Variants in CREB1 observed in about 807,000 individuals in gnomAD.
CREB1 encodes the protein cyclic AMP-responsive element-binding protein 1.
In CREB1, 2 loss-of-function variants were observed where a neutral mutation model predicts 42.0. The observed-to-expected ratio is 0.05, with a 90% CI of 0.02 to 0.15. CREB1 has a LOEUF of 0.15. CREB1 is among the 10% of genes least tolerant of loss of function. The pLI is 1.00. For synonymous variants in CREB1, 123 were observed against 139.9 expected, an observed-to-expected ratio of 0.88 and a Z score of 0.85; for missense variants, 199 against 388.9, an observed-to-expected ratio of 0.51 and a Z score of 4.11.
At chr2:207,544,186 C>A (rs945148704) in intron 1 of CREB1, among the ~76,000 whole-genome samples, 1 of 152,186 alleles carries the variant, frequency 6.6e-6, no homozygotes, top group African/African-American at 2.4e-5. Context: ...GGATTACAGG[C>A]GTGAGCCACT....
At chr2:207,596,587 C>T (rs1379698660) in intron 7 of CREB1, among the ~76,000 whole-genome samples, 1 of 152,216 alleles carries the variant, frequency 6.6e-6, no homozygotes, top group African/African-American at 2.4e-5. Flanking sequence ...GCATGTGCCG[C>T]CACACCCCGC....
Position 207,560,312 on chromosome 2 carries a change from T to C in CREB1, c.201T>C (p.His67=), listed in dbSNP as rs760171826. The C allele has an allele frequency of 2.2e-5, 35 of 1,613,926 alleles. No homozygotes were observed. The highest frequency in any genetic ancestry group is 6.7e-5 in the African/African-American group (5 of 74,898). ...QLPNGQTVQV[H]GVIQAAQPSV... is the part of the protein sequence containing the mutation. ...CCAATGGGCAGACAGTTCAAGTCCA[T>C]GGAGTCATTCAGGCGGCCCAGCCAT... Residue 67 remains histidine (H), a synonymous_variant, in exon 3 of 8, where the codon CAT becomes CAC. Coordinates refer to ENST00000353267, the MANE Select transcript of CREB1 (RefSeq NM_004379.5).
intron 1 of CREB1, among the ~76,000 whole-genome samples, chr2:207,541,176 G>A (rs1247888774): frequency 1.3e-5 from 2 of 151,906 alleles, no homozygotes; most frequent in East Asian, 1.9e-4. Context: ...CCGAGATCGT[G>A]CCACTGCACT....
intron 1 of CREB1, among the ~76,000 whole-genome samples, chr2:207,547,793 C>A (rs1165852577): frequency 6.6e-6 from 1 of 151,948 alleles, no homozygotes; most frequent in Non-Finnish European, 1.5e-5. Flanking sequence ...GTAAACTTTG[C>A]AAATACTTAA....
chr2:207,571,399 C>G (rs1345991157), intron 5 of CREB1, among the ~76,000 whole-genome samples: 2 of 152,090 alleles, frequency 1.3e-5, no homozygotes, highest in Non-Finnish European at 2.9e-5. Context: ...AGTTCCAGTT[C>G]AACTTTGTTT....
At chr2:207,578,203 C>T (rs541192835) in intron 7 of CREB1, 7 of 152,218 alleles carry the variant, frequency 4.6e-5, no homozygotes, top group African/African-American at 1.7e-4. Flanking sequence ...ATATAGTCTT[C>T]AAAAAAATAC....
intron 3 of CREB1, chr2:207,561,192 T>A (rs752029815): frequency 8.4e-6 from 13 of 1,556,650 alleles, no homozygotes; most frequent in Middle Eastern, 1.7e-4. Context: ...TGGAGAGAAC[T>A]ATTATTAGAA....
At chr2:207,543,954 G>C (rs892219082) in intron 1 of CREB1, among the ~76,000 whole-genome samples, 2 of 151,144 alleles carry the variant, frequency 1.3e-5, no homozygotes, top group Non-Finnish European at 2.9e-5. Context: ...AGGTCTCGCT[G>C]TGTTGTGCAG....
chr2:207,548,648 G>A lies in CREB1; in HGVS notation c.-8-6980G>A, dbSNP rs781738724. Among the ~76,000 whole-genome samples the A allele has an allele frequency of 3.3e-5, 5 of 152,070 alleles. No homozygotes were observed. The East Asian group carries it at 7.7e-4, about 23-fold the overall frequency. On this transcript the variant is annotated intron_variant, in intron 1 of 7. Transcript: ENST00000353267. Reference sequence around the variant, plus strand: ...CATCTGTAATCCCAGCTACTTGAGAGGCTGAGGCAGGAGAATCACTTGAAC... The same window carrying A: ...CATCTGTAATCCCAGCTACTTGAGAAGCTGAGGCAGGAGAATCACTTGAAC...
chr2:207,538,363 A>C (rs141888618), intron 1 of CREB1, among the ~76,000 whole-genome samples: 52 of 152,294 alleles, frequency 3.4e-4, no homozygotes, highest in African/African-American at 1.2e-3. Context: ...GTATTAAAAA[A>C]TTCTTGAAGC....
chr2:207,559,269 A>G, intron 2 of CREB1: 3 of 976,064 alleles, frequency 3.1e-6, no homozygotes, highest in Non-Finnish European at 3.7e-6. Context: ...AGTAATAATA[A>G]CAAGTCTAAC....
intron 7 of CREB1, among the ~76,000 whole-genome samples, chr2:207,584,839 G>A (rs374176578): frequency 6.6e-6 from 1 of 152,134 alleles, no homozygotes; most frequent in African/African-American, 2.4e-5. Flanking sequence ...GTCAGAGCAA[G>A]TATTTTCTTT....
intron 7 of CREB1, among the ~76,000 whole-genome samples, chr2:207,579,790 G>A (rs987780824): frequency 6.6e-6 from 1 of 151,976 alleles, no homozygotes; most frequent in African/African-American, 2.4e-5. Context: ...TCTATGACTA[G>A]CATACCGCTC....
chr2:207,547,860 G>T (rs968953439), intron 1 of CREB1, among the ~76,000 whole-genome samples: 3 of 151,654 alleles, frequency 2.0e-5, no homozygotes, highest in Admixed American at 6.6e-5. Flanking sequence ...TTGTTGAAAG[G>T]CGCTATAGAG....
At chr2:207,565,718 G>GT (rs1362841280) in intron 3 of CREB1, among the ~76,000 whole-genome samples, 1 of 152,114 alleles carries the variant, frequency 6.6e-6, no homozygotes, top group East Asian at 1.9e-4. Context: ...GAGTCAAGCA[G>GT]TGGACACAGA....
At position 207,558,944 on chromosome 2, in the gene CREB1, A is replaced by G. The variant is rs569973843; in HGVS notation, c.115-1282A>G. 2.0e-4 allele frequency among the ~76,000 whole-genome samples: 30 copies of G among 152,302 alleles called. No homozygotes were observed. The South Asian group carries it at 6.2e-3, about 32-fold the overall frequency. On this transcript the variant is annotated intron_variant, in intron 2 of 7. Transcript: ENST00000353267. The stretch of plus-strand genomic sequence containing the variant: ...AGGCGTGAGCCACATTGCCCGGCCT[A>G]AAGTGATCTATCTAAAAGCAAACAT...
chr2:207,568,006 G>C (rs2082206366), intron 4 of CREB1: 1 of 152,430 alleles, frequency 6.6e-6, no homozygotes, highest in Non-Finnish European at 1.5e-5. Context: ...TTTAGCAGTA[G>C]CTTACTGTAA....
At chr2:207,574,744 C>A (rs1037178619) in intron 5 of CREB1, among the ~76,000 whole-genome samples, 4 of 152,068 alleles carry the variant, frequency 2.6e-5, no homozygotes, top group African/African-American at 9.7e-5. Flanking sequence ...GGATTAGATA[C>A]CATTAAAGAA....
chr2:207,573,597 T>A (rs2082457995), intron 5 of CREB1, among the ~76,000 whole-genome samples: 1 of 152,084 alleles, frequency 6.6e-6, no homozygotes, highest in Non-Finnish European at 1.5e-5. Context: ...AGAAAATTAG[T>A]AGGGCCTGAT....
Sources: gnomAD v4.1 joint callset for allele counts (sites outside exome capture counted in the v4.1 genomes callset) on GRCh38, gnomAD v4.1.1 for gene constraint, MANE v1.5 for transcripts, NCBI Gene and HGNC (gene_info 2026-07-23, HGNC 2026-07-21) for gene names.